The following RPL38 variants were observed in gnomAD, a reference collection of about 807,000 sequenced individuals.
RPL38 encodes ribosomal protein L38.
A neutral mutation model predicts 12.8 loss-of-function variants in RPL38; 2 were observed. The observed-to-expected ratio is 0.16, with a 90% CI of 0.06 to 0.49. The LOEUF (loss-of-function observed/expected upper bound fraction) is 0.49, where lower values mean the gene tolerates loss of function less well. Among genes scored for constraint, RPL38 ranks in the 20% least tolerant of loss-of-function variants. The pLI is 0.96. For missense variants in RPL38, 52 were observed against 79.8 expected, an observed-to-expected ratio of 0.65 and a Z score of 1.33; for synonymous variants, 42 against 30.1, an observed-to-expected ratio of 1.39 and a Z score of -1.29.
chr17:74,206,708 C>CTTTTTTTT (rs35333460), intron 3 of RPL38, among the ~76,000 whole-genome samples: 24 of 101,588 alleles, frequency 2.4e-4, no homozygotes, highest in African/African-American at 5.8e-4. Context: ...TTTTTTCTTT[C>CTTTTTTTT]TTTTTTTTTT....
intron 3 of RPL38, chr17:74,204,725 A>ACAGTCTGGCTCTGTCGCC (rs2050096034): frequency 6.6e-6 from 1 of 152,656 alleles, no homozygotes; most frequent in Non-Finnish European, 1.5e-5. Context: ...TTTCTTTGAG[A>ACAGTCTGGCTCTGTCGCC]CAGTCTGGCT....
At chr17:74,209,615 C>G (rs2050146397) in intron 4 of RPL38, among the ~76,000 whole-genome samples, 189 bp from the exon 5 acceptor site, 1 of 152,042 alleles carries the variant, frequency 6.6e-6, no homozygotes. Context: ...TATAATAGAC[C>G]AAGTCTTTTT....
chr17:74,207,968 T>A (rs1350359284), intron 3 of RPL38, among the ~76,000 whole-genome samples: 1 of 152,208 alleles, frequency 6.6e-6, no homozygotes, highest in Non-Finnish European at 1.5e-5. Context: ...TTGGGCAGGC[T>A]CTGAGTCACA....
rs1445142349 is a variant in RPL38, at chr17:74,209,837, A to G, written c.*8A>G. On this transcript the variant is annotated 3_prime_UTR_variant, in exon 5 of 5. Coordinates refer to ENST00000311111, the MANE Select transcript of RPL38 (RefSeq NM_000999.4). ...GTGAAGGAACTGAAATGAACCAGAC[A>G]CACTGATTGGAACTGTATTATATTA... 6 of 1,607,382 alleles carry G rather than the reference A, an allele frequency of 3.7e-6. No individual in the cohort carries two copies. In the Admixed American group the frequency reaches 5.0e-5, roughly 13 times the overall value.
chr17:74,209,175 G>T lies in RPL38; in HGVS notation c.65-12G>T. The T allele has an allele frequency of 1.2e-6, 2 of 1,612,818 alleles. No homozygotes were observed. The highest frequency in any genetic ancestry group is 1.7e-6 in the Non-Finnish European group (2 of 1,179,684). ...GTGATACAATTTAATTCCTGATTCT[G>T]GTCTCCGGTAGCTGTCAAGATCAAG... On this transcript the variant is annotated splice_polypyrimidine_tract_variant and intron_variant, in intron 3 of 4. Coordinates refer to ENST00000311111, the MANE Select transcript of RPL38 (RefSeq NM_000999.4).
intron 3 of RPL38, among the ~76,000 whole-genome samples, chr17:74,207,588 G>A (rs913908518): frequency 3.3e-5 from 5 of 151,788 alleles, no homozygotes; most frequent in Non-Finnish European, 4.4e-5. Flanking sequence ...GTACAGTGGC[G>A]GAATTTTGGC....
intron 3 of RPL38, among the ~76,000 whole-genome samples, 154 bp from the exon 4 acceptor site, chr17:74,209,033 C>A (rs1410143048): frequency 1.3e-5 from 2 of 152,054 alleles, no homozygotes; most frequent in African/African-American, 4.8e-5. Context: ...GTTGGAGGAA[C>A]GGGTAATAGT....
intron 3 of RPL38, chr17:74,204,550 C>T: frequency 3.2e-6 from 1 of 309,590 alleles, no homozygotes; most frequent in East Asian, 7.7e-5. Context: ...AAAATCTTAA[C>T]ACAAAATCCA....
intron 3 of RPL38, among the ~76,000 whole-genome samples, chr17:74,208,107 G>A (rs1389847003): frequency 6.6e-6 from 1 of 152,158 alleles, no homozygotes; most frequent in Non-Finnish European, 1.5e-5. Flanking sequence ...GTCTGGCCAG[G>A]TGCTTTCGTT....
At position 74,209,304 on chromosome 17, in the gene RPL38, C is replaced by A; in HGVS notation, c.182C>A (p.Pro61His). 6.2e-7 allele frequency: 1 copy of A among 1,613,880 alleles called. No individual in the cohort carries two copies. Among genetic ancestry groups the A allele is most frequent in the Non-Finnish European group, 8.5e-7 (1 of 1,179,950 alleles). ...GCAGAGAAACTGAAGCAGTCCCTGC[C>A]CCCCGGTGAGTGAGCCTGAAGTCAC... ...EKAEKLKQSL[P>H]PGLAVKELK Residue 61 changes from proline (P) to histidine (H), a missense_variant, in exon 4 of 5, where the codon CCC (proline) becomes CAC (histidine). Transcript: ENST00000311111.
rs2050084895 is a variant in RPL38 at position 74,203,945 on chromosome 17, G to T, written c.-11G>T. The stretch of plus-strand genomic sequence containing the variant: ...CCTGGTCCGCGCCAGAGCCCAGCGC[G>T]CCTCGTCGCCATGGTGAGTACAGTC... On this transcript the variant is annotated 5_prime_UTR_variant, in exon 2 of 5. Coordinates refer to ENST00000311111, the MANE Select transcript of RPL38 (RefSeq NM_000999.4). 1.2e-6 allele frequency: 2 copies of T among 1,605,624 alleles called. No individual in the cohort carries two copies. Among genetic ancestry groups the T allele is most frequent in the Non-Finnish European group, 8.5e-7 (1 of 1,174,158 alleles).
chr17:74,207,586 G>A (rs1344838711), intron 3 of RPL38, among the ~76,000 whole-genome samples: 1 of 151,958 alleles, frequency 6.6e-6, no homozygotes, highest in Non-Finnish European at 1.5e-5. Flanking sequence ...GAGTACAGTG[G>A]CGGAATTTTG....
chr17:74,208,922 G>A (rs763926805), intron 3 of RPL38, among the ~76,000 whole-genome samples: 2 of 152,158 alleles, frequency 1.3e-5, no homozygotes, highest in Non-Finnish European at 1.5e-5. Context: ...GCAACAGACC[G>A]AGACTCTGTC....
Position 74,209,298 on chromosome 17 carries a change from C to A in RPL38, c.176C>A (p.Ser59Tyr). ...DKEKAEKLKQSLPPGLAVKEL... is the reference protein window; with the variant it reads ...DKEKAEKLKQYLPPGLAVKEL... ...GAGAAGGCAGAGAAACTGAAGCAGTCCCTGCCCCCCGGTGAGTGAGCCTGA... is the reference window on the plus strand; with the variant it reads ...GAGAAGGCAGAGAAACTGAAGCAGTACCTGCCCCCCGGTGAGTGAGCCTGA... Residue 59 changes from serine to tyrosine, a missense_variant, in exon 4 of 5, where the codon TCC (serine) becomes TAC (tyrosine). Transcript: ENST00000311111. 1 of 1,614,012 alleles carries A rather than the reference C, an allele frequency of 6.2e-7. No homozygotes were observed. The highest frequency in any genetic ancestry group is 1.1e-5 in the South Asian group (1 of 91,032).
chr17:74,203,746 G>T lies in RPL38; in HGVS notation c.-39+1G>T, dbSNP rs1216661528. ...CTAGGGTGATACGTGGGTGAGAAAG[G>T]TAATCTGGGGCAATCCACTGCCAGG... On this transcript the variant is annotated splice_donor_variant, in intron 1 of 4. Coordinates refer to ENST00000311111, the MANE Select transcript of RPL38 (RefSeq NM_000999.4). LOFTEE classifies it low-confidence loss of function (5UTR_SPLICE). 3 of 615,216 alleles carry T rather than the reference G, an allele frequency of 4.9e-6. No individual in the cohort carries two copies. Among genetic ancestry groups the T allele is most frequent in the Non-Finnish European group, 8.7e-6 (3 of 345,090 alleles). The allele number at this position is 615,216 out of a possible 1,614,324, so 38.1% of individuals were successfully genotyped here.
At chr17:74,209,055 G>T in intron 3 of RPL38, 132 bp from the exon 4 acceptor site, 2 of 898,494 alleles carry the variant, frequency 2.2e-6, no homozygotes, top group Non-Finnish European at 3.5e-6. Context: ...TTTTCTGTTT[G>T]CACAGAGGGA....
chr17:74,209,165 TC>T, intron 3 of RPL38, 21 bp from the exon 4 acceptor site: 2 of 1,612,162 alleles, frequency 1.2e-6, no homozygotes, highest in Non-Finnish European at 1.7e-6. Flanking sequence ...ACAATTTAAT[TC>T]CTGATTCTGG....
At chr17:74,208,691 T>C (rs1047574028) in intron 3 of RPL38, among the ~76,000 whole-genome samples, 1 of 152,158 alleles carries the variant, frequency 6.6e-6, no homozygotes, top group Non-Finnish European at 1.5e-5. Flanking sequence ...ATCCCAGCAC[T>C]TTGGGAGGCC....
At chr17:74,209,033 C>T (rs1410143048) in intron 3 of RPL38, among the ~76,000 whole-genome samples, 154 bp from the exon 4 acceptor site, 1 of 152,054 alleles carries the variant, frequency 6.6e-6, no homozygotes. Flanking sequence ...GTTGGAGGAA[C>T]GGGTAATAGT....
Sources: gnomAD v4.1 joint callset for allele counts (sites outside exome capture counted in the v4.1 genomes callset) on GRCh38, gnomAD v4.1.1 for gene constraint, MANE v1.5 for transcripts, NCBI Gene and HGNC (gene_info 2026-07-23, HGNC 2026-07-21) for gene names.